The following OTUD7A variants were observed in gnomAD, a reference collection of about 807,000 sequenced individuals.
The protein encoded by OTUD7A is OTU domain-containing protein 7A.
A neutral mutation model predicts 65.7 loss-of-function variants in OTUD7A; 12 were observed. The observed-to-expected ratio is 0.18, with a 90% CI of 0.12 to 0.30. OTUD7A has a LOEUF of 0.30. OTUD7A is among the 10% of genes least tolerant of loss of function. The probability of loss-of-function intolerance (pLI) is 1.00; values close to 1 mark genes in which losing one functional copy is unlikely to be tolerated. For missense variants in OTUD7A, 1,148 were observed against 1,304.8 expected, an observed-to-expected ratio of 0.88 and a Z score of 1.85; for synonymous variants, 641 against 586.3, an observed-to-expected ratio of 1.09 and a Z score of -1.35.
chr15:31,775,576 T>C (rs73378693), intron 1 of OTUD7A, among the ~76,000 whole-genome samples: 3,555 of 152,322 alleles, frequency 0.023, 137 homozygotes, highest in African/African-American at 0.08. Context: ...GAAGATCAAC[T>C]GTGCAGATAT....
intron 5 of OTUD7A, among the ~76,000 whole-genome samples, chr15:31,545,909 C>T (rs759301791): frequency 6.6e-5 from 10 of 151,968 alleles, no homozygotes; most frequent in Admixed American, 3.3e-4. Context: ...TCTGAATCTG[C>T]GAATTCAACC....
chr15:31,562,601 A>G (rs1888727437), intron 4 of OTUD7A, among the ~76,000 whole-genome samples: 1 of 152,170 alleles, frequency 6.6e-6, no homozygotes, highest in Non-Finnish European at 1.5e-5. Context: ...GAGTTAAAAA[A>G]AAAAAACAAC....
At chr15:31,626,192 T>C (rs1190075146) in intron 3 of OTUD7A, among the ~76,000 whole-genome samples, 2 of 152,118 alleles carry the variant, frequency 1.3e-5, no homozygotes, top group Admixed American at 1.3e-4. Context: ...GATTTTACCA[T>C]AAAGAACCAA....
intron 8 of OTUD7A, 77 bp downstream of exon 8, chr15:31,526,272 A>C (rs1387477235): frequency 1.5e-6 from 2 of 1,320,202 alleles, no homozygotes; most frequent in Non-Finnish European, 2.0e-6. Context: ...CCCCCGTGCC[A>C]TCCCCCCATG....
At chr15:31,635,766 C>G (rs1260714573) in intron 3 of OTUD7A, among the ~76,000 whole-genome samples, 1 of 152,254 alleles carries the variant, frequency 6.6e-6, no homozygotes, top group East Asian at 1.9e-4. Context: ...TGAAAACTGT[C>G]TTGTTAATTC....
intron 1 of OTUD7A, among the ~76,000 whole-genome samples, chr15:31,735,053 G>T (rs199506977): frequency 3.7e-4 from 2 of 5,452 alleles, no homozygotes; most frequent in African/African-American, 4.3e-4. Flanking sequence ...AAATTTACAA[G>T]AAAAAAACCC....
intron 1 of OTUD7A, among the ~76,000 whole-genome samples, chr15:31,699,485 T>C (rs1893163985): frequency 6.6e-6 from 1 of 152,122 alleles, no homozygotes; most frequent in African/African-American, 2.4e-5. Context: ...TTGCACGTGT[T>C]TGGGGAGGGG....
intron 1 of OTUD7A, among the ~76,000 whole-genome samples, chr15:31,747,861 A>C (rs1281804731): frequency 6.6e-6 from 1 of 152,216 alleles, no homozygotes; most frequent in African/African-American, 2.4e-5. Flanking sequence ...GATGCAATGC[A>C]CTGAGGGACA....
At chr15:31,644,707 G>A (rs1251547954) in intron 3 of OTUD7A, among the ~76,000 whole-genome samples, 4 of 152,148 alleles carry the variant, frequency 2.6e-5, no homozygotes, top group Non-Finnish European at 5.9e-5. Context: ...TTGAACTCTT[G>A]TCCTCAAGCG....
chr15:31,747,192 TG>T (rs1350640064), intron 1 of OTUD7A, among the ~76,000 whole-genome samples: 1 of 152,158 alleles, frequency 6.6e-6, no homozygotes, highest in Non-Finnish European at 1.5e-5. Context: ...GTTACCAAGA[TG>T]GGAAGGGTTG....
chr15:31,861,389 T>C (rs1842255945), intron 1 of OTUD7A, among the ~76,000 whole-genome samples: 1 of 152,188 alleles, frequency 6.6e-6, no homozygotes, highest in Admixed American at 6.5e-5. Context: ...TGCTAAGCAG[T>C]GGGCTGGCTC....
Position 31,483,503 on chromosome 15 carries a change from G to C in OTUD7A, c.2593C>G (p.Leu865Val). Reference sequence around the variant, plus strand: ...TCGGCGAACTCCAGGCCGTCGCGCAGGGCGCCGAAGCCGTTGGTGTAGGTC... The same window carrying C: ...TCGGCGAACTCCAGGCCGTCGCGCACGGCGCCGAAGCCGTTGGTGTAGGTC... ...SQTYTNGFGA[L>V]RDGLEFADAD... The change falls in exon 13 of 13, where the codon CTG becomes GTG. Residue 865 changes from leucine to valine, a missense_variant. This residue lies in a region of OTUD7A where 842 missense variants were observed against 769.5 expected (regional missense o/e 1.09). Coordinates refer to ENST00000307050, the MANE Select transcript of OTUD7A (RefSeq NM_001382637.1). The C allele has an allele frequency of 2.1e-6, 3 of 1,395,594 alleles. No individual in the cohort carries two copies. The highest frequency in any genetic ancestry group is 2.8e-6 in the Non-Finnish European group (3 of 1,072,794). 86.5% of individuals were successfully genotyped at this position (1,395,594 alleles called of 1,614,324 possible). A position where few individuals can be genotyped will look rare whatever the true frequency, so the allele number is the denominator to read the frequency against.
At chr15:31,741,453 G>A (rs1194934818) in intron 1 of OTUD7A, among the ~76,000 whole-genome samples, 1 of 152,092 alleles carries the variant, frequency 6.6e-6, no homozygotes, top group African/African-American at 2.4e-5. Flanking sequence ...TATAAAAGTT[G>A]GGTGATGAAT....
rs184363225 is a variant in OTUD7A, at chr15:31,653,307, C to T, written c.151+1789G>A. On this transcript the variant is annotated intron_variant, in intron 3 of 12. Coordinates refer to ENST00000307050, the MANE Select transcript of OTUD7A (RefSeq NM_001382637.1). ...AAATTAAAACTATATTCACAAAATC[C>T]TGTTCTTAAATGTTTCTAGAAGCTC... 9.6e-4 allele frequency among the ~76,000 whole-genome samples: 146 copies of T among 151,978 alleles called. 1 individual carries two copies. The highest frequency in any genetic ancestry group is 1.8e-3 in the Non-Finnish European group (122 of 67,954).
intron 1 of OTUD7A, among the ~76,000 whole-genome samples, chr15:31,686,007 C>T (rs73376580): frequency 0.059 from 9,051 of 152,218 alleles, 914 homozygotes; most frequent in African/African-American, 0.21. Flanking sequence ...TGCCATCTCA[C>T]GGGGGACTGT....
chr15:31,804,350 T>C (rs962602675), intron 1 of OTUD7A, among the ~76,000 whole-genome samples: 5 of 152,152 alleles, frequency 3.3e-5, no homozygotes, highest in African/African-American at 1.2e-4. Context: ...TTATGGTTCA[T>C]TGGAAACACC....
chr15:31,806,662 G>A (rs1439013883), intron 1 of OTUD7A, among the ~76,000 whole-genome samples: 2 of 152,150 alleles, frequency 1.3e-5, no homozygotes, highest in Non-Finnish European at 2.9e-5. Flanking sequence ...CCATCAAGTA[G>A]CACAGCCAAA....
At chr15:31,797,800 G>C (rs1338677352) in intron 1 of OTUD7A, among the ~76,000 whole-genome samples, 1 of 152,216 alleles carries the variant, frequency 6.6e-6, no homozygotes, top group African/African-American at 2.4e-5. Context: ...CTCCGGTGCT[G>C]GGAGGAAGTA....
chr15:31,590,351 T>C (rs948626510), intron 3 of OTUD7A, among the ~76,000 whole-genome samples: 6 of 152,242 alleles, frequency 3.9e-5, no homozygotes, highest in African/African-American at 1.4e-4. Flanking sequence ...TCATAAGGTA[T>C]TTCTGTCATT....
Sources: gnomAD v4.1 joint callset for allele counts (sites outside exome capture counted in the v4.1 genomes callset) on GRCh38, gnomAD v4.1.1 for gene constraint, gnomAD v4.1.1 regional missense constraint, MANE v1.5 for transcripts, NCBI Gene and HGNC (gene_info 2026-07-23, HGNC 2026-07-21) for gene names.